The following LMO7 variants were observed in gnomAD, a reference collection of about 807,000 sequenced individuals.
LMO7 encodes the protein LIM domain 7, also known as LIM domain only protein 7.
Under a neutral mutation model 206.5 loss-of-function variants are expected in LMO7, and 120 were observed. The ratio of observed to expected loss-of-function variants is 0.58; its 90% CI spans 0.50 to 0.68. The LOEUF (loss-of-function observed/expected upper bound fraction) is 0.68. Ranked by LOEUF, LMO7 falls within the 30% of genes least tolerant of loss-of-function variation. LMO7 has a pLI of 0.00. For synonymous variants in LMO7, 706 were observed against 681.5 expected, an observed-to-expected ratio of 1.04 and a Z score of -0.56; for missense variants, 1,959 against 1,957.9, an observed-to-expected ratio of 1.00 and a Z score of -0.01.
chr13:75,853,117 T>TC lies in LMO7; in HGVS notation c.4396dup (p.Arg1466ProfsTer27). Reference sequence around the variant, plus strand: ...AGGCGAATCTTTAGATAACCTGGACTCCCCCCGATCCAATTCTTGGAGACA... The same window carrying TC: ...AGGCGAATCTTTAGATAACCTGGACTCCCCCCCGATCCAATTCTTGGAGACA... On this transcript the variant is annotated frameshift_variant, in exon 28 of 31. Coordinates refer to ENST00000377534, the MANE Select transcript of LMO7 (RefSeq NM_001306080.2). LOFTEE classifies it high-confidence loss of function. The TC allele has an allele frequency of 1.2e-6, 2 of 1,609,046 alleles. No homozygotes were observed. The highest frequency in any genetic ancestry group is 1.7e-6 in the Non-Finnish European group (2 of 1,176,878).
intron 1 of LMO7, among the ~76,000 whole-genome samples, chr13:75,680,566 C>T (rs1295249715): frequency 3.0e-5 from 4 of 135,584 alleles, no homozygotes; most frequent in Non-Finnish European, 6.7e-5. Context: ...TCTGTTGTTT[C>T]TTGACTTTTT....
chr13:75,672,616 T>TG (rs2039683170), intron 1 of LMO7, among the ~76,000 whole-genome samples: 1 of 152,228 alleles, frequency 6.6e-6, no homozygotes, highest in Non-Finnish European at 1.5e-5. Flanking sequence ...CAGGTTGTTT[T>TG]GCATGTGTGC....
chr13:75,657,508 TACTTTGAACAAA>T (rs2038172253), intron 1 of LMO7, among the ~76,000 whole-genome samples: 1 of 152,148 alleles, frequency 6.6e-6, no homozygotes, highest in Non-Finnish European at 1.5e-5. Flanking sequence ...ACTCCTGAAC[TACTTTGAACAAA>T]ACGAGAACTC....
chr13:75,705,483 A>C (rs1952980117), intron 1 of LMO7, among the ~76,000 whole-genome samples: 1 of 152,190 alleles, frequency 6.6e-6, no homozygotes, highest in African/African-American at 2.4e-5. Context: ...GAAAGAGAAG[A>C]AAAAATTGTA....
chr13:75,816,436 G>A (rs745562786), intron 11 of LMO7, among the ~76,000 whole-genome samples: 1 of 152,170 alleles, frequency 6.6e-6, no homozygotes, highest in Admixed American at 6.5e-5. Flanking sequence ...TGCATGTAGA[G>A]AGCACACATG....
intron 1 of LMO7, 29 bp downstream of exon 1, chr13:75,636,755 G>T: frequency 6.3e-7 from 1 of 1,589,380 alleles, no homozygotes. Flanking sequence ...TTTCCCTTCC[G>T]CAGGTGTTGA....
chr13:75,690,032 G>A (rs575892305), intron 1 of LMO7, among the ~76,000 whole-genome samples: 9 of 150,768 alleles, frequency 6.0e-5, no homozygotes, highest in Non-Finnish European at 5.9e-5. Flanking sequence ...AACCCTTTCC[G>A]ACTAAAGAGC....
At chr13:75,679,632 G>T (rs1190457145) in intron 1 of LMO7, among the ~76,000 whole-genome samples, 3 of 152,162 alleles carry the variant, frequency 2.0e-5, no homozygotes, top group African/African-American at 7.2e-5. Flanking sequence ...CCAGGCTAGG[G>T]TGCAGTGGTG....
At chr13:75,679,617 G>T (rs2040308627) in intron 1 of LMO7, among the ~76,000 whole-genome samples, 1 of 152,180 alleles carries the variant, frequency 6.6e-6, no homozygotes, top group African/African-American at 2.4e-5. Context: ...CTGATGACCT[G>T]TCACCCAGGC....
intron 11 of LMO7, among the ~76,000 whole-genome samples, chr13:75,813,227 C>A (rs905871841): frequency 6.6e-6 from 1 of 152,202 alleles, no homozygotes; most frequent in Non-Finnish European, 1.5e-5. Context: ...TACAAAAGTT[C>A]TGGATTTTAT....
intron 27 of LMO7, among the ~76,000 whole-genome samples, chr13:75,851,093 T>C (rs140150288): frequency 6.6e-6 from 1 of 152,334 alleles, no homozygotes; most frequent in African/African-American, 2.4e-5. Flanking sequence ...GCATCATGTT[T>C]GCTGATGCCC....
intron 10 of LMO7, among the ~76,000 whole-genome samples, 181 bp downstream of exon 10, chr13:75,808,380 C>A (rs1422767309): frequency 6.6e-6 from 1 of 152,234 alleles, no homozygotes; most frequent in Non-Finnish European, 1.5e-5. Flanking sequence ...AAGTGCAATT[C>A]CATATTTGCA....
intron 4 of LMO7, among the ~76,000 whole-genome samples, chr13:75,780,484 T>C (rs771969109): frequency 1.3e-5 from 2 of 152,194 alleles, no homozygotes; most frequent in African/African-American, 2.4e-5. Context: ...ACTTTATGGT[T>C]ATCTCCCTTG....
intron 4 of LMO7, among the ~76,000 whole-genome samples, chr13:75,791,765 C>T (rs1595038579): frequency 1.3e-5 from 2 of 152,138 alleles, no homozygotes; most frequent in South Asian, 4.1e-4. Context: ...TGGGCCTTGC[C>T]ATCACATGGC....
At position 75,793,765 on chromosome 13, in the gene LMO7, C is replaced by T. The variant is rs553393805; in HGVS notation, c.318-1636C>T. 3.3e-4 allele frequency among the ~76,000 whole-genome samples: 50 copies of T among 152,230 alleles called. 2 individuals carry two copies. The highest frequency in any genetic ancestry group is 1.2e-3 in the African/African-American group (49 of 41,524). ...TGAGCACACCTGAGTAGCCAGCTTCCAGATCGAAGCACAAACAATTGTCAT... is the reference window on the plus strand; with the variant it reads ...TGAGCACACCTGAGTAGCCAGCTTCTAGATCGAAGCACAAACAATTGTCAT... On this transcript the variant is annotated intron_variant, in intron 4 of 30. Transcript: ENST00000377534.
chr13:75,809,518 TA>T (rs1209809331), intron 11 of LMO7, among the ~76,000 whole-genome samples: 1 of 152,226 alleles, frequency 6.6e-6, no homozygotes, highest in Non-Finnish European at 1.5e-5. Flanking sequence ...CTACATAGAC[TA>T]AAATTCTGAT....
intron 9 of LMO7, chr13:75,806,271 T>TCTGC (rs1439281276): frequency 2.0e-6 from 2 of 988,758 alleles, no homozygotes; most frequent in East Asian, 2.2e-4. Context: ...GGTGCCCCTG[T>TCTGC]CTGCATGAGC....
At chr13:75,652,382 A>G (rs1358504834) in intron 1 of LMO7, among the ~76,000 whole-genome samples, 2 of 152,170 alleles carry the variant, frequency 1.3e-5, no homozygotes, top group Non-Finnish European at 2.9e-5. Flanking sequence ...TTTGCTACTT[A>G]GTGTCCCTTT....
chr13:75,756,630 C>A (rs915612369), intron 3 of LMO7, among the ~76,000 whole-genome samples: 1 of 152,308 alleles, frequency 6.6e-6, no homozygotes, highest in Admixed American at 6.5e-5. Context: ...TTTCATTTCT[C>A]TACTCTCTGA....
Sources: allele counts gnomAD v4.1 joint callset (sites outside exome capture counted in the v4.1 genomes callset), GRCh38; gene constraint gnomAD v4.1.1; transcripts MANE v1.5; gene names NCBI Gene and HGNC (gene_info 2026-07-23, HGNC 2026-07-21).